The following RERE variants were observed in gnomAD, a reference collection of about 807,000 sequenced individuals.
RERE encodes the protein arginine-glutamic acid dipeptide repeats protein.
In RERE, 40 loss-of-function variants were observed where a neutral mutation model predicts 146.1. The ratio of observed to expected loss-of-function variants is 0.27; its 90% confidence interval spans 0.21 to 0.36. The LOEUF (loss-of-function observed/expected upper bound fraction) is 0.36. RERE is among the 10% of genes least tolerant of loss of function. The pLI, the probability that RERE is intolerant of heterozygous loss-of-function variation, is 1.00. For synonymous variants in RERE, 1,003 were observed against 866.0 expected, an observed-to-expected ratio of 1.16 and a Z score of -2.78; for missense variants, 1,933 against 2,138.7, an observed-to-expected ratio of 0.90 and a Z score of 1.90.
At position 8,354,700 on chromosome 1, in the gene RERE, G is replaced by T. The variant is rs982335717; in HGVS notation, c.*387C>A. ...CGATCTGCAAGCCTCGTGGGCTCTG[G>T]AGCACTCGTGGCGGAGTGTGTCAGT... On this transcript the variant is annotated 3_prime_UTR_variant, in exon 23 of 23. Transcript: ENST00000400908. The T allele has an allele frequency of 1.6e-5, 3 of 186,542 alleles. No homozygotes were observed. Among genetic ancestry groups the T allele is most frequent in the Admixed American group, 6.1e-5 (1 of 16,358 alleles). 11.6% of individuals were successfully genotyped at this position (186,542 alleles called of 1,614,324 possible).
chr1:8,735,225 G>A (rs1640172802), intron 1 of RERE, among the ~76,000 whole-genome samples: 1 of 152,086 alleles, frequency 6.6e-6, no homozygotes, highest in African/African-American at 2.4e-5. Context: ...AGGACTAGGA[G>A]GTGGAGATTT....
intron 1 of RERE, 106 bp from the exon 2 acceptor site, chr1:8,656,547 T>G (rs2124334174): frequency 2.1e-6 from 1 of 476,410 alleles, no homozygotes; most frequent in Non-Finnish European, 3.6e-6. Flanking sequence ...ACCTAAAAAC[T>G]TCGCACAAGC....
At chr1:8,583,471 TG>T (rs1384847629) in intron 4 of RERE, among the ~76,000 whole-genome samples, 2 of 152,054 alleles carry the variant, frequency 1.3e-5, no homozygotes, top group Non-Finnish European at 2.9e-5. Flanking sequence ...GGAAGGCCAA[TG>T]TGTGAAGAGC....
At chr1:8,661,576 G>T (rs982800662) in intron 1 of RERE, among the ~76,000 whole-genome samples, 4 of 152,172 alleles carry the variant, frequency 2.6e-5, no homozygotes, top group African/African-American at 9.7e-5. Context: ...GGCTGGGGTA[G>T]TAGCAACAGA....
chr1:8,594,959 T>C (rs377568614), intron 4 of RERE, among the ~76,000 whole-genome samples: 2 of 152,118 alleles, frequency 1.3e-5, no homozygotes, highest in African/African-American at 4.8e-5. Flanking sequence ...AGGAGCCTGA[T>C]ACCAGCCTGG....
At chr1:8,780,036 A>G (rs1218181644) in intron 1 of RERE, among the ~76,000 whole-genome samples, 2 of 152,106 alleles carry the variant, frequency 1.3e-5, no homozygotes, top group East Asian at 3.9e-4. Flanking sequence ...ACAAAAAAAT[A>G]CAAAAATTAG....
chr1:8,574,565 T>C (rs1042616969), intron 4 of RERE, among the ~76,000 whole-genome samples: 1 of 152,132 alleles, frequency 6.6e-6, no homozygotes, highest in African/African-American at 2.4e-5. Flanking sequence ...GCCAGGACGG[T>C]CTCAATCTCC....
chr1:8,542,321 G>A (rs1348934373), intron 6 of RERE, among the ~76,000 whole-genome samples: 3 of 152,118 alleles, frequency 2.0e-5, no homozygotes, highest in African/African-American at 7.2e-5. Context: ...CTTCCAGGAC[G>A]TGGCCTCCCA....
chr1:8,728,539 C>T (rs1317362590), intron 1 of RERE, among the ~76,000 whole-genome samples: 1 of 151,678 alleles, frequency 6.6e-6, no homozygotes, highest in Admixed American at 6.6e-5. Context: ...TAGTAGTCAC[C>T]ATTAAAAGGT....
chr1:8,401,310 C>G (rs929801785), intron 12 of RERE, among the ~76,000 whole-genome samples: 3 of 151,848 alleles, frequency 2.0e-5, no homozygotes, highest in African/African-American at 7.3e-5. Context: ...GACCTTGTAA[C>G]TCCCCATCAA....
intron 7 of RERE, among the ~76,000 whole-genome samples, chr1:8,509,414 ATCCATCCATCCATCCATCCATCCG>A (rs140535131): frequency 0.25 from 34,473 of 137,270 alleles, 5,591 homozygotes; most frequent in East Asian, 0.77. Context: ...CCATCCATCC[ATCCATCCATCCATCCATCCATCCG>A]TCCGTCCGTC....
At chr1:8,661,339 G>A (rs1638452878) in intron 1 of RERE, among the ~76,000 whole-genome samples, 2 of 152,218 alleles carry the variant, frequency 1.3e-5, no homozygotes, top group Non-Finnish European at 2.9e-5. Flanking sequence ...TGAAGGGGCA[G>A]GGGGAGGAGG....
At chr1:8,393,062 C>T (rs1193752888) in intron 12 of RERE, among the ~76,000 whole-genome samples, 2 of 152,150 alleles carry the variant, frequency 1.3e-5, no homozygotes, top group Non-Finnish European at 2.9e-5. Flanking sequence ...GGTGGGCTTA[C>T]TCATGAGAAG....
chr1:8,580,703 T>TCTAG (rs1400968281), intron 4 of RERE, among the ~76,000 whole-genome samples: 9 of 152,050 alleles, frequency 5.9e-5, no homozygotes, highest in African/African-American at 2.2e-4. Flanking sequence ...AAAACCTCGA[T>TCTAG]CTAGCTAGCT....
intron 6 of RERE, among the ~76,000 whole-genome samples, chr1:8,543,412 T>G (rs981374038): frequency 6.6e-6 from 1 of 152,186 alleles, no homozygotes; most frequent in African/African-American, 2.4e-5. Context: ...CCTACAAAAC[T>G]CTACTACACA....
intron 1 of RERE, among the ~76,000 whole-genome samples, chr1:8,657,205 T>C (rs1638340526): frequency 1.3e-5 from 2 of 150,092 alleles, no homozygotes; most frequent in South Asian, 4.2e-4. Flanking sequence ...CTCAGGAGTC[T>C]GAGGCAGGAG....
intron 1 of RERE, among the ~76,000 whole-genome samples, chr1:8,802,887 G>A (rs747854961): frequency 5.3e-5 from 8 of 152,060 alleles, no homozygotes; most frequent in Non-Finnish European, 1.0e-4. Context: ...TGCAACAAAC[G>A]CTATGTAAGA....
rs150185129 is a variant in RERE at position 8,705,309 on chromosome 1, C to A, written c.-144-48868G>T. The stretch of plus-strand genomic sequence containing the variant: ...CACCTGCTGCTAATCCAACCTGCAC[C>A]CAGCCCCCCACTTTGCAGTTACACC... On this transcript the variant is annotated intron_variant, in intron 1 of 22. Transcript: ENST00000400908. 3.6e-3 allele frequency among the ~76,000 whole-genome samples: 541 copies of A among 152,192 alleles called. 2 individuals carry two copies. Among genetic ancestry groups the A allele is most frequent in the African/African-American group, 0.012 (515 of 41,504 alleles).
At chr1:8,581,118 G>T (rs1646359202) in intron 4 of RERE, among the ~76,000 whole-genome samples, 1 of 152,210 alleles carries the variant, frequency 6.6e-6, no homozygotes, top group South Asian at 2.1e-4. Flanking sequence ...CAATGTATGA[G>T]AACTTGCATT....
Sources: allele counts gnomAD v4.1 joint callset (sites outside exome capture counted in the v4.1 genomes callset), GRCh38; gene constraint gnomAD v4.1.1; transcripts MANE v1.5; gene names NCBI Gene and HGNC (gene_info 2026-07-23, HGNC 2026-07-21).